The following SORL1 variants were observed in gnomAD, a reference collection of about 807,000 sequenced individuals.
SORL1 encodes the protein sortilin related receptor 1.
In SORL1, 127 loss-of-function variants were observed where a neutral mutation model predicts 273.7. That is an observed-to-expected ratio of 0.46 (90% CI 0.40 to 0.54). The LOEUF (loss-of-function observed/expected upper bound fraction) is 0.54, where lower values mean the gene tolerates loss of function less well. Ranked by LOEUF, SORL1 falls within the 20% of genes least tolerant of loss-of-function variation. SORL1 has a pLI of 0.00. For synonymous variants in SORL1, 1,031 were observed against 1,067.4 expected, an observed-to-expected ratio of 0.97 and a Z score of 0.66; for missense variants, 2,494 against 2,846.1, an observed-to-expected ratio of 0.88 and a Z score of 2.81.
Position 121,627,405 on chromosome 11 carries a change from C to G in SORL1, c.6365-150C>G. On this transcript the variant is annotated intron_variant, in intron 46 of 47. Transcript: ENST00000260197. This position sits in a 1 kb window ranked among gnomAD's most constrained non-coding sequence, Gnocchi z 4.9. ...GTAGTGGGGAAGCAATCAGGCATCA[C>G]GCACATGCAGAAACGTCTCACACCA... The G allele has an allele frequency of 1.5e-6, 1 of 660,630 alleles. No individual in the cohort carries two copies. The allele number at this position is 660,630 out of a possible 1,614,324, so 40.9% of individuals were successfully genotyped here.
At chr11:121,496,815 C>A in intron 5 of SORL1, 54 bp from the exon 6 acceptor site, 1 of 1,488,814 alleles carries the variant, frequency 6.7e-7, no homozygotes, top group Non-Finnish European at 9.1e-7. Context: ...AACTTCCATG[C>A]CTCTAGTAAT....
rs1357763856 is a variant in SORL1, at chr11:121,554,677, C to T, written c.2440-510C>T. On this transcript the variant is annotated intron_variant, in intron 17 of 47. Coordinates refer to ENST00000260197, the MANE Select transcript of SORL1 (RefSeq NM_003105.6). This position sits in a 1 kb window ranked among gnomAD's most constrained non-coding sequence, Gnocchi z 4.6. ...TTCCAACAAATTTTTATCTAGATTC[C>T]AACCCAACAGAAATTTCACAGTGCC... 1.3e-5 allele frequency among the ~76,000 whole-genome samples: 2 copies of T among 152,254 alleles called. No individual in the cohort carries two copies. Among genetic ancestry groups the T allele is most frequent in the African/African-American group, 4.8e-5 (2 of 41,542 alleles).
intron 1 of SORL1, among the ~76,000 whole-genome samples, chr11:121,457,796 G>A (rs1361662559): frequency 1.3e-5 from 2 of 152,200 alleles, no homozygotes; most frequent in Non-Finnish European, 2.9e-5. Context: ...AGTGATCATG[G>A]ATCTTGGTTT....
chr11:121,612,899 G>C, intron 40 of SORL1, 67 bp downstream of exon 40: 1 of 1,158,418 alleles, frequency 8.6e-7, no homozygotes, highest in Non-Finnish European at 1.3e-6. Context: ...CTTTCCCGCT[G>C]TAGAGCTTGA....
At chr11:121,526,361 C>T (rs1216778258) in intron 11 of SORL1, among the ~76,000 whole-genome samples, 1 of 152,106 alleles carries the variant, frequency 6.6e-6, no homozygotes, top group Non-Finnish European at 1.5e-5. Flanking sequence ...TCTTAATTTC[C>T]AAAGCCTTAT....
At chr11:121,483,584 A>T (rs1565310578) in intron 3 of SORL1, among the ~76,000 whole-genome samples, 1 of 152,184 alleles carries the variant, frequency 6.6e-6, no homozygotes, top group African/African-American at 2.4e-5. Context: ...ATATTAAGTT[A>T]CTGCAAACAG....
intron 6 of SORL1, among the ~76,000 whole-genome samples, chr11:121,503,270 T>C (rs1005898562): frequency 6.6e-6 from 1 of 152,154 alleles, no homozygotes. Flanking sequence ...GTCATGAATA[T>C]ATACTTCCCT....
At chr11:121,562,811 C>T (rs1259600613) in intron 21 of SORL1, among the ~76,000 whole-genome samples, 2 of 152,108 alleles carry the variant, frequency 1.3e-5, no homozygotes, top group Admixed American at 6.5e-5. Context: ...GCTGTAAGAA[C>T]GAACCTTCTA....
rs751192763 is a variant in SORL1, at chr11:121,522,619, C to T, written c.1438C>T (p.Arg480Cys). The change falls in exon 10 of 48, where the codon CGC becomes TGC. Residue 480 changes from arginine to cysteine, a missense_variant. Around this residue, in one of 3 missense-constraint regions of SORL1, gnomAD observed 710 missense variants for 882.5 expected, o/e 0.80. Coordinates refer to ENST00000260197, the MANE Select transcript of SORL1 (RefSeq NM_003105.6). ...GGGCTGTTCCCTTCATCTGGCTCAG[C>T]GCCTCAGTCAGCTCCTCAACCTCCA... Reference protein sequence around the residue: ...SQGCSLHLAQRLSQLLNLQLR... With the variant: ...SQGCSLHLAQCLSQLLNLQLR... 25 of 1,614,030 alleles carry T rather than the reference C, an allele frequency of 1.5e-5. No individual in the cohort carries two copies. In the South Asian group the frequency reaches 1.8e-4, roughly 11 times the overall value.
chr11:121,497,117 T>C, intron 6 of SORL1, 68 bp downstream of exon 6: 1 of 1,363,672 alleles, frequency 7.3e-7, no homozygotes, highest in Admixed American at 1.8e-5. Flanking sequence ...ATTCTGTGAT[T>C]AAACAGGTGA....
At chr11:121,608,219 C>G (rs2134927996) in intron 38 of SORL1, 43 bp downstream of exon 38, 4 of 1,460,870 alleles carry the variant, frequency 2.7e-6, no homozygotes, top group Non-Finnish European at 3.8e-6. Context: ...AAATATTATA[C>G]AAACCCTTTC....
At chr11:121,545,817 G>A (rs779100297) in intron 14 of SORL1, among the ~76,000 whole-genome samples, 3 of 152,208 alleles carry the variant, frequency 2.0e-5, no homozygotes, top group Non-Finnish European at 2.9e-5. Context: ...GTTAGTGTGT[G>A]TATATGTGTG....
chr11:121,462,558 G>A (rs1434211601), intron 1 of SORL1, among the ~76,000 whole-genome samples: 1 of 152,108 alleles, frequency 6.6e-6, no homozygotes, highest in Non-Finnish European at 1.5e-5. Flanking sequence ...AGAGCTATGA[G>A]GCAGGACCTA....
intron 32 of SORL1, among the ~76,000 whole-genome samples, chr11:121,600,918 T>TA (rs775658436): frequency 1.1e-4 from 16 of 152,192 alleles, no homozygotes; most frequent in Non-Finnish European, 2.2e-4. Context: ...TATTATACTT[T>TA]AAGTTTTAGG....
chr11:121,553,814 T>C (rs962170129), intron 16 of SORL1, 123 bp from the exon 17 acceptor site: 19 of 893,036 alleles, frequency 2.1e-5, no homozygotes, highest in Non-Finnish European at 3.1e-5. Context: ...TGCTCTTCAC[T>C]TGGTCCACAC....
chr11:121,551,038 A>G (rs949932112), intron 16 of SORL1, among the ~76,000 whole-genome samples: 1 of 152,266 alleles, frequency 6.6e-6, no homozygotes, highest in African/African-American at 2.4e-5. Context: ...CTTAGGAAGT[A>G]GCTAAGTAGT....
chr11:121,611,197 T>C (rs760371673), intron 39 of SORL1, 39 bp downstream of exon 39: 1 of 1,330,434 alleles, frequency 7.5e-7, no homozygotes, highest in Admixed American at 1.7e-5. Flanking sequence ...GGATGGGGCT[T>C]TATTTTGTAT....
At chr11:121,458,477 T>G (rs925152080) in intron 1 of SORL1, among the ~76,000 whole-genome samples, 1 of 152,240 alleles carries the variant, frequency 6.6e-6, no homozygotes, top group African/African-American at 2.4e-5. Context: ...ATTTTTGGTT[T>G]GAATATTCAG....
chr11:121,514,042 C>T lies in SORL1; in HGVS notation c.1042-110C>T, dbSNP rs560146065. On this transcript the variant is annotated intron_variant, in intron 7 of 47. Transcript: ENST00000260197. ...TAGGGAGCTTCCCGTGGGCTTTAGG[C>T]CAACATTCATCGCTAGAACATTTGA... The T allele has an allele frequency of 1.4e-5, 18 of 1,258,472 alleles. 2 individuals carry two copies. In the South Asian group the frequency reaches 2.5e-4, roughly 18 times the overall value. 78.0% of individuals were successfully genotyped at this position (1,258,472 alleles called of 1,614,324 possible).
Sources: allele counts gnomAD v4.1 joint callset (sites outside exome capture counted in the v4.1 genomes callset), GRCh38; gene constraint gnomAD v4.1.1; regional missense constraint gnomAD v4.1.1; non-coding constraint Gnocchi (gnomAD v3.1); transcripts MANE v1.5; gene names NCBI Gene and HGNC (gene_info 2026-07-23, HGNC 2026-07-21).